Variants in PRMT7 observed in about 807,000 individuals in gnomAD.
The protein encoded by PRMT7 is protein arginine methyltransferase 7.
Under a neutral mutation model 85.4 loss-of-function variants are expected in PRMT7, and 75 were observed. That is an observed-to-expected ratio of 0.88 (90% CI 0.73 to 1.06). The LOEUF is 1.06. PRMT7 is among the 50% of genes least tolerant of loss of function. The pLI, the probability that PRMT7 is intolerant of heterozygous loss-of-function variation, is 0.00. For synonymous variants in PRMT7, 397 were observed against 359.5 expected, an observed-to-expected ratio of 1.10 and a Z score of -1.18; for missense variants, 868 against 915.2, an observed-to-expected ratio of 0.95 and a Z score of 0.67.
chr16:68,341,354 TG>T (rs2085506078), intron 9 of PRMT7, among the ~76,000 whole-genome samples: 1 of 152,204 alleles, frequency 6.6e-6, no homozygotes, highest in South Asian at 2.1e-4. Flanking sequence ...CCACACCACG[TG>T]GGGGAGAGAT....
intron 3 of PRMT7, chr16:68,319,181 G>C (rs1471293873): frequency 6.6e-6 from 1 of 152,292 alleles, no homozygotes; most frequent in Non-Finnish European, 1.5e-5. Context: ...TAGAATTTTG[G>C]GTCTGGAGAC....
rs1027321114 is a variant in PRMT7, at chr16:68,312,039, CAG to C, written c.-218_-217del. 12 of 151,914 alleles carry C rather than the reference CAG, an allele frequency of 7.9e-5. No individual in the cohort carries two copies. Among genetic ancestry groups the C allele is most frequent in the African/African-American group, 1.7e-4 (7 of 41,462 alleles). 9.4% of individuals were successfully genotyped at this position (151,914 alleles called of 1,614,324 possible). On this transcript the variant is annotated splice_acceptor_variant, in intron 1 of 18. Transcript: ENST00000441236. LOFTEE classifies it low-confidence loss of function (5UTR_SPLICE). ...ATTTTGTTATTTTATTTTTTCGAGA[CAG>C]AGTCTCACTCTGCTGCCTAGGCTGA...
chr16:68,312,660 G>A (rs887262193), intron 2 of PRMT7, among the ~76,000 whole-genome samples: 15 of 152,144 alleles, frequency 9.9e-5, no homozygotes, highest in Non-Finnish European at 1.9e-4. Context: ...ACAACTCTTG[G>A]AGAATGAGGA....
chr16:68,326,193 TATAA>T (rs1447051410), intron 5 of PRMT7, among the ~76,000 whole-genome samples: 3 of 152,172 alleles, frequency 2.0e-5, no homozygotes, highest in African/African-American at 7.2e-5. Context: ...GGAGCATGTA[TATAA>T]ATACTTTCCC....
chr16:68,333,315 C>G (rs1159771783), intron 6 of PRMT7, among the ~76,000 whole-genome samples: 1 of 152,000 alleles, frequency 6.6e-6, no homozygotes, highest in East Asian at 1.9e-4. Flanking sequence ...AAACCTGTCT[C>G]TACTAAAAAT....
At chr16:68,329,838 A>G (rs917910999) in intron 6 of PRMT7, among the ~76,000 whole-genome samples, 2 of 151,856 alleles carry the variant, frequency 1.3e-5, no homozygotes, top group African/African-American at 4.8e-5. Context: ...ATTTTCCTGT[A>G]TAGCATTGTC....
At chr16:68,344,536 T>A (rs907686576) in intron 9 of PRMT7, among the ~76,000 whole-genome samples, 1 of 152,174 alleles carries the variant, frequency 6.6e-6, no homozygotes. Context: ...TGCTGGCCAT[T>A]TGGGTGGGTT....
chr16:68,346,176 C>A lies in PRMT7; in HGVS notation c.1087C>A (p.Arg363Ser). The change falls in exon 11 of 19, where the codon CGC becomes AGC. Residue 363 changes from arginine to serine, a missense_variant. Coordinates refer to ENST00000441236, the MANE Select transcript of PRMT7 (RefSeq NM_019023.5). Reference protein sequence around the residue: ...PEKNERVRQMRPVCDCQAHLL... With the variant: ...PEKNERVRQMSPVCDCQAHLL... ...AAAGAATGAGAGAGTCCGCCAGATG[C>A]GCCCCGTGTGTGACTGCCAGGCTCA... The A allele has an allele frequency of 1.2e-6, 2 of 1,614,068 alleles. No homozygotes were observed. The highest frequency in any genetic ancestry group is 2.2e-5 in the East Asian group (1 of 44,874).
downstream of PRMT7, chr16:68,359,747 C>G (rs879626766): frequency 6.6e-5 from 10 of 152,524 alleles, no homozygotes; most frequent in Admixed American, 5.9e-4. Context: ...AAAAACAGTC[C>G]CTCAAGTTGA....
At chr16:68,319,191 CAG>C (rs1050348072) in intron 3 of PRMT7, among the ~76,000 whole-genome samples, 3 of 152,156 alleles carry the variant, frequency 2.0e-5, no homozygotes, top group Admixed American at 2.0e-4. Context: ...GGTCTGGAGA[CAG>C]AATTTGTAGT....
chr16:68,326,799 G>A (rs1230387703), intron 5 of PRMT7, among the ~76,000 whole-genome samples: 1 of 152,162 alleles, frequency 6.6e-6, no homozygotes, highest in Non-Finnish European at 1.5e-5. Context: ...TCCACTCCTG[G>A]TAGTGTTTTG....
chr16:68,331,023 C>T (rs887412099), intron 6 of PRMT7, among the ~76,000 whole-genome samples: 1 of 152,126 alleles, frequency 6.6e-6, no homozygotes, highest in Non-Finnish European at 1.5e-5. Flanking sequence ...AATATAAACA[C>T]ACTTGTAACC....
At chr16:68,356,440 C>G (rs904848387) in intron 17 of PRMT7, among the ~76,000 whole-genome samples, 1 of 152,268 alleles carries the variant, frequency 6.6e-6, no homozygotes, top group African/African-American at 2.4e-5. Context: ...CAAGCTCCCC[C>G]AGACCCTGCA....
At chr16:68,349,844 G>A (rs944679808) in intron 14 of PRMT7, among the ~76,000 whole-genome samples, 3 of 152,190 alleles carry the variant, frequency 2.0e-5, no homozygotes, top group Non-Finnish European at 4.4e-5. Flanking sequence ...GCAGGGAGCC[G>A]TGCTTGTGGC....
chr16:68,353,300 G>A, intron 15 of PRMT7, 192 bp from the exon 16 acceptor site: 2 of 1,286,316 alleles, frequency 1.6e-6, no homozygotes, highest in Non-Finnish European at 2.0e-6. Flanking sequence ...TGTCACGTCA[G>A]AGCTTGCAGG....
intron 9 of PRMT7, among the ~76,000 whole-genome samples, chr16:68,345,127 G>T (rs1373947442): frequency 6.6e-6 from 1 of 152,100 alleles, no homozygotes; most frequent in Non-Finnish European, 1.5e-5. Flanking sequence ...CCATAGTATC[G>T]TCTAACATAT....
At position 68,345,365 on chromosome 16, in the gene PRMT7, A is replaced by G. The variant is rs529611671; in HGVS notation, c.928-310A>G. Among the ~76,000 whole-genome samples, 124 of 152,304 alleles carry G rather than the reference A, an allele frequency of 8.1e-4. 2 individuals carry two copies. The highest frequency in any genetic ancestry group is 8.5e-4 in the Admixed American group (13 of 15,298). The stretch of plus-strand genomic sequence containing the variant: ...ACATTCAGCACAGCTCTACGTGTTG[A>G]AGAGAGAGCTTTGGTGCTACTCTGA... On this transcript the variant is annotated intron_variant, in intron 9 of 18. Coordinates refer to ENST00000441236, the MANE Select transcript of PRMT7 (RefSeq NM_019023.5).
intron 5 of PRMT7, chr16:68,328,232 C>T: frequency 4.7e-6 from 1 of 211,396 alleles, no homozygotes; most frequent in Non-Finnish European, 1.1e-5. Context: ...ATCCTGCCCT[C>T]AGGTCAGAAC....
chr16:68,319,285 C>T (rs532938995), intron 3 of PRMT7, among the ~76,000 whole-genome samples: 19 of 152,020 alleles, frequency 1.2e-4, no homozygotes, highest in South Asian at 4.2e-4. Flanking sequence ...GAAGGAATCC[C>T]GGAATAGCTG....
Sources: allele counts gnomAD v4.1 joint callset (sites outside exome capture counted in the v4.1 genomes callset), GRCh38; gene constraint gnomAD v4.1.1; transcripts MANE v1.5; gene names NCBI Gene and HGNC (gene_info 2026-07-23, HGNC 2026-07-21).